Variants in NTNG1 observed in about 807,000 individuals in gnomAD.
The protein encoded by NTNG1 is netrin G1, also known as netrin-G1.
A neutral mutation model predicts 54.0 loss-of-function variants in NTNG1; 16 were observed. The ratio of observed to expected loss-of-function variants is 0.30; its 90% CI spans 0.20 to 0.45. The LOEUF is 0.45. Among genes scored for constraint, NTNG1 ranks in the 20% least tolerant of loss-of-function variants. NTNG1 has a pLI of 1.00. For missense variants in NTNG1, 530 were observed against 678.7 expected (o/e 0.78, Z 2.43); for synonymous variants, 255 against 263.1 (o/e 0.97, Z 0.30).
At chr1:107,461,090 C>T (rs767168563) in intron 7 of NTNG1, among the ~76,000 whole-genome samples, 29 of 152,210 alleles carry the variant, frequency 1.9e-4, no homozygotes, top group East Asian at 1.9e-4. Context: ...GTGTAAAAAG[C>T]GTGAATTCTA....
intron 7 of NTNG1, among the ~76,000 whole-genome samples, chr1:107,474,888 C>G (rs911397773): frequency 6.6e-6 from 1 of 152,190 alleles, no homozygotes; most frequent in African/African-American, 2.4e-5. Context: ...AAATAAATTT[C>G]AACATGAGTT....
chr1:107,239,521 A>T (rs976146911), intron 2 of NTNG1, among the ~76,000 whole-genome samples: 7 of 152,208 alleles, frequency 4.6e-5, no homozygotes, highest in African/African-American at 1.4e-4. Context: ...TTTCTGGAGG[A>T]TTGCTGTCTC....
At chr1:107,417,090 A>G (rs979566774) in intron 5 of NTNG1, among the ~76,000 whole-genome samples, 1 of 152,042 alleles carries the variant, frequency 6.6e-6, no homozygotes, top group Non-Finnish European at 1.5e-5. Flanking sequence ...TTCAATATCT[A>G]CCCATCATCA....
chr1:107,359,810 TGATAAGATGAAAAAAAAG>T (rs1210913065), intron 3 of NTNG1, among the ~76,000 whole-genome samples: 1 of 150,222 alleles, frequency 6.7e-6, no homozygotes, highest in Non-Finnish European at 1.5e-5. Context: ...ATACTAAGTG[TGATAAGATGAAAAAAAAG>T]GAAAAGAGAG....
chr1:107,477,952 A>C (rs1678437573), intron 7 of NTNG1, among the ~76,000 whole-genome samples: 2 of 152,200 alleles, frequency 1.3e-5, no homozygotes, highest in African/African-American at 4.8e-5. Context: ...GCCAGATTTA[A>C]ACTTCATAAG....
At chr1:107,205,615 A>T (rs1193119066) in intron 2 of NTNG1, among the ~76,000 whole-genome samples, 1 of 151,758 alleles carries the variant, frequency 6.6e-6, no homozygotes, top group Non-Finnish European at 1.5e-5. Context: ...TGTATAAAGC[A>T]GACTTTTTTT....
chr1:107,399,162 T>C (rs1672867172), intron 4 of NTNG1, among the ~76,000 whole-genome samples: 1 of 152,142 alleles, frequency 6.6e-6, no homozygotes, highest in Non-Finnish European at 1.5e-5. Flanking sequence ...ATTTGAAAAG[T>C]CCTACAATAA....
At chr1:107,376,703 A>G (rs1198113550) in intron 3 of NTNG1, among the ~76,000 whole-genome samples, 2 of 152,072 alleles carry the variant, frequency 1.3e-5, no homozygotes, top group Admixed American at 1.3e-4. Context: ...TTTAATTTGT[A>G]TGACATGGAA....
At chr1:107,338,793 C>T (rs1048667359) in intron 3 of NTNG1, among the ~76,000 whole-genome samples, 64 of 150,220 alleles carry the variant, frequency 4.3e-4, no homozygotes, top group African/African-American at 1.6e-3. Context: ...GGGTTCTGTA[C>T]TTAGAGGCAG....
At position 107,285,588 on chromosome 1, in the gene NTNG1, A is replaced by T. The variant is rs147554018; in HGVS notation, c.247-38694A>T. Reference sequence around the variant, plus strand: ...TATGAAAATAGTGTTTCTGCATACAATCAGCAATTTTATTTGTGGTGCTTG... The same window carrying T: ...TATGAAAATAGTGTTTCTGCATACATTCAGCAATTTTATTTGTGGTGCTTG... On this transcript the variant is annotated intron_variant, in intron 2 of 7. Coordinates refer to ENST00000370068, the MANE Select transcript of NTNG1 (RefSeq NM_001113226.3). Among the ~76,000 whole-genome samples the T allele has an allele frequency of 3.6e-3, 548 of 152,256 alleles. 3 individuals carry two copies. The highest frequency in any genetic ancestry group is 0.012 in the African/African-American group (496 of 41,558).
At chr1:107,443,872 T>C (rs1279000297) in intron 7 of NTNG1, among the ~76,000 whole-genome samples, 1 of 152,132 alleles carries the variant, frequency 6.6e-6, no homozygotes. Context: ...CCTTGCTACA[T>C]ACATAAGGGT....
At chr1:107,180,770 A>G (rs1657002725) in intron 2 of NTNG1, among the ~76,000 whole-genome samples, 1 of 152,208 alleles carries the variant, frequency 6.6e-6, no homozygotes, top group African/African-American at 2.4e-5. Flanking sequence ...AGGAAACCAC[A>G]AAACTAAAAC....
intron 3 of NTNG1, among the ~76,000 whole-genome samples, chr1:107,371,658 G>A (rs1048868817): frequency 1.3e-5 from 2 of 151,942 alleles, no homozygotes; most frequent in Non-Finnish European, 1.5e-5. Flanking sequence ...ACTAGAATCA[G>A]TAGTGAATTC....
intron 2 of NTNG1, among the ~76,000 whole-genome samples, chr1:107,169,142 G>T (rs904257766): frequency 6.6e-6 from 1 of 152,104 alleles, no homozygotes; most frequent in Admixed American, 6.5e-5. Flanking sequence ...GTTCCATTCT[G>T]ATAATGAAAT....
At chr1:107,438,379 T>G (rs555301706) in intron 7 of NTNG1, among the ~76,000 whole-genome samples, 1 of 152,294 alleles carries the variant, frequency 6.6e-6, no homozygotes, top group East Asian at 1.9e-4. Flanking sequence ...TTTAAAAGTC[T>G]TGCATGCTGT....
rs576080106 is a variant in NTNG1 at position 107,443,379 on chromosome 1, A to G, written c.1390+6580A>G. 1.6e-4 allele frequency among the ~76,000 whole-genome samples: 17 copies of G among 109,142 alleles called. No individual in the cohort carries two copies. In the South Asian group the frequency reaches 2.6e-3, roughly 17 times the overall value. 71.6% of individuals were successfully genotyped at this position (109,142 alleles called of 152,430 possible). A position where few individuals can be genotyped will look rare whatever the true frequency, so the allele number is the denominator to read the frequency against. On this transcript the variant is annotated intron_variant, in intron 7 of 7. Coordinates refer to ENST00000370068, the MANE Select transcript of NTNG1 (RefSeq NM_001113226.3). Reference sequence around the variant, plus strand: ...GTTCCTATCAAACTCTTCTATTACTATAGTTCAGGAGGTTTTCTTTTTTTC... The same window carrying G: ...GTTCCTATCAAACTCTTCTATTACTGTAGTTCAGGAGGTTTTCTTTTTTTC...
chr1:107,407,596 G>A, intron 4 of NTNG1, 86 bp from the exon 5 acceptor site: 1 of 1,119,894 alleles, frequency 8.9e-7, no homozygotes, highest in Non-Finnish European at 1.3e-6. Context: ...CAAGTGTCAA[G>A]TTTCTAAGAT....
intron 1 of NTNG1, among the ~76,000 whole-genome samples, chr1:107,147,124 A>T (rs1205238424): frequency 6.6e-6 from 1 of 152,100 alleles, no homozygotes; most frequent in Non-Finnish European, 1.5e-5. Flanking sequence ...GGCCAGTTAA[A>T]CTCACCAATG....
chr1:107,436,772 G>C lies in NTNG1; in HGVS notation c.1363G>C (p.Gly455Arg). 6.2e-7 allele frequency: 1 copy of C among 1,613,422 alleles called. No individual in the cohort carries two copies. Among genetic ancestry groups the C allele is most frequent in the Non-Finnish European group, 8.5e-7 (1 of 1,179,592 alleles). The change falls in exon 7 of 8, where the codon GGA becomes CGA. Residue 455 changes from glycine to arginine, a missense_variant. Physicochemically the swap from Gly to Arg is moderately radical, Grantham distance 125. Transcript: ENST00000370068. ...GCCTAAGTGTGATGAGTGTCTGCCG[G>C]GAAATTCCTGGCACTACGGCTGTCA... ...TGPKCDECLP[G>R]NSWHYGCQPN...
Sources: gnomAD v4.1 joint callset for allele counts (sites outside exome capture counted in the v4.1 genomes callset) on GRCh38, gnomAD v4.1.1 for gene constraint, MANE v1.5 for transcripts, NCBI Gene and HGNC (gene_info 2026-07-23, HGNC 2026-07-21) for gene names.